MET: variants seen among roughly 807,000 people sequenced by gnomAD.
The protein encoded by MET is MET proto-oncogene, receptor tyrosine kinase, also known as hepatocyte growth factor receptor.
MET carries 48 observed loss-of-function variants against 133.1 expected under a neutral mutation model. The observed-to-expected ratio is 0.36, with a 90% CI of 0.29 to 0.46. MET has a LOEUF of 0.46. MET is among the 20% of genes least tolerant of loss of function. The pLI is 1.00. For missense variants in MET, 1,442 were observed against 1,695.9 expected, an observed-to-expected ratio of 0.85 and a Z score of 2.63; for synonymous variants, 628 against 616.5, an observed-to-expected ratio of 1.02 and a Z score of -0.28.
intron 10 of MET, among the ~76,000 whole-genome samples, chr7:116,761,216 G>A (rs1222754697): frequency 6.6e-6 from 1 of 152,044 alleles, no homozygotes; most frequent in Non-Finnish European, 1.5e-5. Flanking sequence ...TTCAAACAAT[G>A]GTAGACGATA....
intron 1 of MET, among the ~76,000 whole-genome samples, chr7:116,686,145 G>A (rs1796546613): frequency 6.6e-6 from 1 of 151,864 alleles, no homozygotes; most frequent in South Asian, 2.1e-4. Context: ...TCAACACCCT[G>A]CAATGACTCC....
In MET at chr7:116,797,602, G is replaced by A. The variant is rs547071825; in HGVS notation, c.*1478G>A. The A allele has an allele frequency of 3.1e-5, 7 of 224,504 alleles. No homozygotes were observed. Among genetic ancestry groups the A allele is most frequent in the South Asian group, 1.8e-4 (1 of 5,432 alleles). The allele number at this position is 224,504 out of a possible 1,614,324, so 13.9% of individuals were successfully genotyped here. On this transcript the variant is annotated 3_prime_UTR_variant, in exon 21 of 21. Transcript: ENST00000397752. Reference sequence around the variant, plus strand: ...GGTTACTCTAACTGGTTTTGTCGACGTAAACATTTAAAGTGTTATATTTTT... The same window carrying A: ...GGTTACTCTAACTGGTTTTGTCGACATAAACATTTAAAGTGTTATATTTTT...
intron 2 of MET, among the ~76,000 whole-genome samples, chr7:116,707,226 T>G (rs1277579784): frequency 1.3e-5 from 2 of 152,088 alleles, no homozygotes; most frequent in Non-Finnish European, 2.9e-5. Context: ...AGCTTTGTTT[T>G]AACCATTCTT....
At chr7:116,739,793 A>G (rs777181515) in intron 3 of MET, among the ~76,000 whole-genome samples, 157 bp from the exon 4 acceptor site, 5 of 152,186 alleles carry the variant, frequency 3.3e-5, no homozygotes, top group Non-Finnish European at 5.9e-5. Context: ...AGATTAGAAG[A>G]TGACATATTG....
intron 17 of MET, among the ~76,000 whole-genome samples, chr7:116,781,536 T>C (rs1009027458): frequency 4.6e-5 from 7 of 152,192 alleles, no homozygotes; most frequent in African/African-American, 1.7e-4. Context: ...AACAAATGGT[T>C]GATCTGTCAA....
At chr7:116,683,314 G>A (rs1352772871) in intron 1 of MET, among the ~76,000 whole-genome samples, 3 of 152,074 alleles carry the variant, frequency 2.0e-5, no homozygotes, top group Non-Finnish European at 2.9e-5. Flanking sequence ...TGCAGTATTT[G>A]GTTTTCTGTT....
rs1298297408 is a variant in MET, at chr7:116,739,382, G to A, written c.1393-568G>A. ...TTTATAATCCAAGTAATAATATATT[G>A]TGGGACAGTGGTTTATAAAAAAATA... On this transcript the variant is annotated intron_variant, in intron 3 of 20. Transcript: ENST00000397752. Among the ~76,000 whole-genome samples the A allele has an allele frequency of 2.1e-4, 32 of 151,782 alleles. 1 individual carries two copies. Among genetic ancestry groups the A allele is most frequent in the Non-Finnish European group, 1.0e-4 (7 of 68,002 alleles).
chr7:116,765,716 C>T (rs1161745729), intron 11 of MET, among the ~76,000 whole-genome samples: 3 of 152,178 alleles, frequency 2.0e-5, no homozygotes, highest in African/African-American at 7.2e-5. Context: ...CTATCAACAA[C>T]AGCTCATGTT....
chr7:116,747,076 A>T (rs1306702084), intron 5 of MET, among the ~76,000 whole-genome samples: 2 of 152,198 alleles, frequency 1.3e-5, no homozygotes, highest in Admixed American at 6.5e-5. Flanking sequence ...AATCCTTTAC[A>T]GTCAAGCAAA....
chr7:116,752,292 TA>T (rs1213756333), intron 5 of MET, among the ~76,000 whole-genome samples: 1 of 152,182 alleles, frequency 6.6e-6, no homozygotes, highest in Non-Finnish European at 1.5e-5. Flanking sequence ...TGTTTTATCC[TA>T]ATGGGTTTTG....
At position 116,774,414 on chromosome 7, in the gene MET, C is replaced by T. The variant is rs560735696; in HGVS notation, c.3029-467C>T. On this transcript the variant is annotated intron_variant, in intron 14 of 20. Transcript: ENST00000397752. Reference sequence around the variant, plus strand: ...AATATAGCCATTATTTATTTCTAATCATATGTGTATTTTTCCCTTGGCCAG... The same window carrying T: ...AATATAGCCATTATTTATTTCTAATTATATGTGTATTTTTCCCTTGGCCAG... Among the ~76,000 whole-genome samples, 5 of 152,316 alleles carry T rather than the reference C, an allele frequency of 3.3e-5. No individual in the cohort carries two copies. In the South Asian group the frequency reaches 1.0e-3, roughly 32 times the overall value.
intron 19 of MET, among the ~76,000 whole-genome samples, chr7:116,783,882 T>C (rs1174294996): frequency 6.6e-6 from 1 of 152,194 alleles, no homozygotes; most frequent in Non-Finnish European, 1.5e-5. Context: ...AGTCTAGCAG[T>C]GAGGGCATGA....
rs1219592208 is a variant in MET, at chr7:116,796,882, G to C, written c.*758G>C. 1 of 176,766 alleles carries C rather than the reference G, an allele frequency of 5.7e-6. No individual in the cohort carries two copies. The highest frequency in any genetic ancestry group is 9.8e-5 in the East Asian group (1 of 10,174). 10.9% of individuals were successfully genotyped at this position (176,766 alleles called of 1,614,324 possible). On this transcript the variant is annotated 3_prime_UTR_variant, in exon 21 of 21. Coordinates refer to ENST00000397752, the MANE Select transcript of MET (RefSeq NM_000245.4). ...AATCCACCCACCTCAGCCTCCCAAA[G>C]TGCTAGGATTACAGGCATGAGCCAC...
chr7:116,711,106 A>T (rs1043977438), intron 2 of MET, among the ~76,000 whole-genome samples: 3 of 152,232 alleles, frequency 2.0e-5, no homozygotes, highest in Non-Finnish European at 2.9e-5. Flanking sequence ...CGATGTTGGC[A>T]TGGCTTCATT....
chr7:116,676,812 G>C (rs1796174198), intron 1 of MET, among the ~76,000 whole-genome samples: 1 of 152,056 alleles, frequency 6.6e-6, no homozygotes, highest in Non-Finnish European at 1.5e-5. Context: ...TTGCACAACT[G>C]TCCATAGACT....
intron 3 of MET, among the ~76,000 whole-genome samples, chr7:116,736,105 T>C (rs930597378): frequency 2.6e-5 from 4 of 152,116 alleles, no homozygotes; most frequent in African/African-American, 7.2e-5. Context: ...TAGAGGAAAA[T>C]ACACTCAAGG....
At position 116,723,997 on chromosome 7, in the gene MET, C is replaced by G. The variant is rs1032224964; in HGVS notation, c.1201-7671C>G. On this transcript the variant is annotated intron_variant, in intron 2 of 20. Transcript: ENST00000397752. The stretch of plus-strand genomic sequence containing the variant: ...AGAGGCAGGCAGGCCTCCTTGAGCT[C>G]TGGTGGGCTCCACCCAGTTCTAGCT... The G allele has an allele frequency of 3.5e-3, 547 of 155,770 alleles. 4 individuals are homozygous for G. The highest frequency in any genetic ancestry group is 0.012 in the African/African-American group (492 of 41,560). 9.6% of individuals were successfully genotyped at this position (155,770 alleles called of 1,614,324 possible).
intron 1 of MET, among the ~76,000 whole-genome samples, chr7:116,692,999 C>G (rs1019199577): frequency 1.3e-5 from 2 of 152,102 alleles, no homozygotes; most frequent in African/African-American, 4.8e-5. Flanking sequence ...CCAGACACAT[C>G]ATGGGGGAAT....
chr7:116,673,605 C>G (rs1295658411), intron 1 of MET, among the ~76,000 whole-genome samples: 1 of 152,224 alleles, frequency 6.6e-6, no homozygotes, highest in African/African-American at 2.4e-5. Context: ...GACACATGCA[C>G]ATTGCCATGC....
Sources: gnomAD v4.1 joint callset for allele counts (sites outside exome capture counted in the v4.1 genomes callset) on GRCh38, gnomAD v4.1.1 for gene constraint, MANE v1.5 for transcripts, NCBI Gene and HGNC (gene_info 2026-07-23, HGNC 2026-07-21) for gene names.